EFL1: variants seen among roughly 807,000 people sequenced by gnomAD.
EFL1 encodes elongation factor like GTPase 1.
EFL1 carries 76 observed loss-of-function variants against 126.7 expected under a neutral mutation model. The observed-to-expected ratio is 0.60, with a 90% CI of 0.50 to 0.73. The LOEUF is 0.73. Ranked by LOEUF, EFL1 falls within the 30% of genes least tolerant of loss-of-function variation. The pLI is 0.00. For synonymous variants in EFL1, 410 were observed against 448.4 expected, an observed-to-expected ratio of 0.91 and a Z score of 1.08; for missense variants, 1,128 against 1,343.2, an observed-to-expected ratio of 0.84 and a Z score of 2.50.
intron 15 of EFL1, among the ~76,000 whole-genome samples, chr15:82,209,888 A>C (rs1595984617): frequency 6.6e-6 from 1 of 152,326 alleles, no homozygotes; most frequent in East Asian, 1.9e-4. Context: ...TGACTGAATA[A>C]TGCTGAATTG....
At chr15:82,212,348 T>C (rs1000021396) in intron 15 of EFL1, among the ~76,000 whole-genome samples, 6 of 152,236 alleles carry the variant, frequency 3.9e-5, no homozygotes, top group African/African-American at 7.2e-5. Context: ...TAAGAAGTAT[T>C]AGTAATCATT....
intron 15 of EFL1, among the ~76,000 whole-genome samples, chr15:82,182,264 A>G (rs1175764031): frequency 6.6e-6 from 1 of 152,196 alleles, no homozygotes; most frequent in Non-Finnish European, 1.5e-5. Context: ...GTCTCAAAGA[A>G]TAAACAAACA....
At position 82,154,804 on chromosome 15, in the gene EFL1, C is replaced by G. The variant is rs557161336; in HGVS notation, c.2031-2381G>C. ...AAAAACAGGGTCTTGCTCTGTCACC[C>G]AGCCTGAAGTGCAGTGGTGTGATTA... On this transcript the variant is annotated intron_variant, in intron 17 of 19. Coordinates refer to ENST00000268206, the MANE Select transcript of EFL1 (RefSeq NM_024580.6). Among the ~76,000 whole-genome samples the G allele has an allele frequency of 5.3e-5, 8 of 152,250 alleles. No individual in the cohort carries two copies. In the South Asian group the frequency reaches 1.7e-3, roughly 32 times the overall value.
At chr15:82,136,577 C>T (rs1467284095) in intron 19 of EFL1, among the ~76,000 whole-genome samples, 1 of 152,182 alleles carries the variant, frequency 6.6e-6, no homozygotes, top group Non-Finnish European at 1.5e-5. Context: ...GTAGAGGATG[C>T]TGTAATGATT....
intron 1 of EFL1, 83 bp from the exon 2 acceptor site, chr15:82,261,880 T>C: frequency 1.9e-6 from 2 of 1,079,900 alleles, no homozygotes; most frequent in East Asian, 2.5e-5. Flanking sequence ...CGCTGGGAGG[T>C]GGCAAGCTTC....
At chr15:82,222,743 C>CA (rs1342201254) in intron 12 of EFL1, among the ~76,000 whole-genome samples, 1 of 152,086 alleles carries the variant, frequency 6.6e-6, no homozygotes, top group Non-Finnish European at 1.5e-5. Context: ...AATTTAATTA[C>CA]AAGAAAATGG....
intron 4 of EFL1, among the ~76,000 whole-genome samples, chr15:82,250,171 G>C (rs2075008720): frequency 7.1e-6 from 1 of 141,420 alleles, no homozygotes; most frequent in Admixed American, 7.2e-5. Context: ...CCATTCTGGA[G>C]AATCAGTACT....
intron 15 of EFL1, among the ~76,000 whole-genome samples, chr15:82,187,815 T>C (rs2074318512): frequency 6.6e-6 from 1 of 152,162 alleles, no homozygotes; most frequent in Non-Finnish European, 1.5e-5. Context: ...TATATTTTAC[T>C]CTTTTTTACC....
intron 16 of EFL1, chr15:82,160,041 T>G (rs1282452404): frequency 6.6e-6 from 1 of 152,304 alleles, no homozygotes; most frequent in Admixed American, 6.5e-5. Context: ...CCTCCTGATA[T>G]TCACATTCCT....
intron 3 of EFL1, among the ~76,000 whole-genome samples, chr15:82,257,214 T>C (rs2075074183): frequency 6.6e-6 from 1 of 152,212 alleles, no homozygotes; most frequent in Non-Finnish European, 1.5e-5. Flanking sequence ...CAGACATTTT[T>C]CCATTTTAGC....
chr15:82,256,752 T>G (rs1381139378), intron 3 of EFL1, among the ~76,000 whole-genome samples: 4 of 152,248 alleles, frequency 2.6e-5, no homozygotes, highest in Non-Finnish European at 5.9e-5. Context: ...CATGATTTTC[T>G]TCCTTTAATC....
chr15:82,238,295 A>C lies in EFL1; in HGVS notation c.731+12T>G, dbSNP rs768349889. 50 of 1,613,276 alleles carry C rather than the reference A, an allele frequency of 3.1e-5. No individual in the cohort carries two copies. The highest frequency in any genetic ancestry group is 2.5e-4 in the African/African-American group (19 of 74,942). On this transcript the variant is annotated intron_variant, in intron 7 of 19. Coordinates refer to ENST00000268206, the MANE Select transcript of EFL1 (RefSeq NM_024580.6). ...TCTGCAAAGAGATTTAATCAGATGC[A>C]AACAGACTTACCCAAAGCCCCACCC...
intron 15 of EFL1, among the ~76,000 whole-genome samples, chr15:82,205,508 G>C (rs544044298): frequency 6.6e-6 from 1 of 151,706 alleles, no homozygotes; most frequent in African/African-American, 2.4e-5. Context: ...ATTTTCCACT[G>C]ATACAACAAG....
At position 82,173,376 on chromosome 15, in the gene EFL1, G is replaced by A. The variant is rs190502609; in HGVS notation, c.1751-9392C>T. On this transcript the variant is annotated intron_variant, in intron 15 of 19. Coordinates refer to ENST00000268206, the MANE Select transcript of EFL1 (RefSeq NM_024580.6). The stretch of plus-strand genomic sequence containing the variant: ...CTTACACAGCAAGTTTCAAGAAGTG[G>A]TACTGCTGAGGAATATGGGAGTTAT... Among the ~76,000 whole-genome samples the A allele has an allele frequency of 3.0e-3, 452 of 152,260 alleles. 4 individuals are homozygous for A. Among genetic ancestry groups the A allele is most frequent in the African/African-American group, 0.01 (434 of 41,570 alleles).
At position 82,238,433 on chromosome 15, in the gene EFL1, G is replaced by C; in HGVS notation, c.605C>G (p.Ser202Cys). 6.2e-7 allele frequency: 1 copy of C among 1,614,146 alleles called. No individual in the cohort carries two copies. Among genetic ancestry groups the C allele is most frequent in the Non-Finnish European group, 8.5e-7 (1 of 1,180,026 alleles). ...GTCATATACTTGCTCTCCTTGTTCA[G>C]AATTTGGATTCACTTGGGATTCAGT... is the stretch of plus-strand genomic sequence containing the variant. ...RETESQVNPN[S>C]EQGEQVYDWS... Residue 202 changes from serine (S) to cysteine (C), a missense_variant, in exon 7 of 20, where the codon TCT becomes TGT. Ser to Cys is a moderately radical substitution (Grantham distance 112). Around this residue, in one of 6 missense-constraint regions of EFL1, gnomAD observed 316 missense variants for 318.5 expected, o/e 0.99. Transcript: ENST00000268206.
intron 15 of EFL1, among the ~76,000 whole-genome samples, chr15:82,187,316 A>G (rs1595969969): frequency 6.6e-6 from 1 of 152,346 alleles, no homozygotes; most frequent in East Asian, 1.9e-4. Flanking sequence ...GTTAAAGTGA[A>G]ATGCAAATGT....
intron 14 of EFL1, among the ~76,000 whole-genome samples, chr15:82,217,830 C>T (rs1292380448): frequency 6.6e-6 from 1 of 152,118 alleles, no homozygotes; most frequent in Non-Finnish European, 1.5e-5. Flanking sequence ...TGATTCTATA[C>T]CATCATACAG....
At chr15:82,179,482 T>C (rs1036672916) in intron 15 of EFL1, among the ~76,000 whole-genome samples, 2 of 152,002 alleles carry the variant, frequency 1.3e-5, no homozygotes, top group African/African-American at 4.8e-5. Context: ...AATCTGAGGG[T>C]AGCATGGGGA....
intron 12 of EFL1, 112 bp from the exon 13 acceptor site, chr15:82,220,341 A>G (rs117263494): frequency 0.024 from 33,076 of 1,378,598 alleles, 448 homozygotes; most frequent in Non-Finnish European, 0.028. Context: ...ATTCCAGGCA[A>G]TTTTGTCCAA....
Sources: gnomAD v4.1 joint callset for allele counts (sites outside exome capture counted in the v4.1 genomes callset) on GRCh38, gnomAD v4.1.1 for gene constraint, gnomAD v4.1.1 regional missense constraint, MANE v1.5 for transcripts, NCBI Gene and HGNC (gene_info 2026-07-23, HGNC 2026-07-21) for gene names.